The following TMIGD3 variants were observed in gnomAD, a reference collection of about 807,000 sequenced individuals.
TMIGD3 encodes AD026 protein (AD026).
A neutral mutation model predicts 28.1 loss-of-function variants in TMIGD3; 21 were observed. The observed-to-expected ratio is 0.75, with a 90% CI of 0.53 to 1.08. The LOEUF (loss-of-function observed/expected upper bound fraction) is 1.08, where lower values mean the gene tolerates loss of function less well. Among genes scored for constraint, TMIGD3 ranks in the 50% least tolerant of loss-of-function variants. The probability of loss-of-function intolerance (pLI) is 0.00; values close to 1 mark genes in which losing one functional copy is unlikely to be tolerated. For missense variants in TMIGD3, 416 were observed against 435.6 expected (o/e 0.96, Z 0.40); for synonymous variants, 151 against 162.1 (o/e 0.93, Z 0.52).
intron 1 of TMIGD3, among the ~76,000 whole-genome samples, chr1:111,518,421 G>A (rs1655937017): frequency 6.6e-6 from 1 of 152,204 alleles, no homozygotes; most frequent in Admixed American, 6.5e-5. Flanking sequence ...AGGATGTTTA[G>A]CAGTAACCAT....
chr1:111,558,025 T>A (rs1028347453), intron 1 of TMIGD3, among the ~76,000 whole-genome samples: 1 of 150,618 alleles, frequency 6.6e-6, no homozygotes, highest in Non-Finnish European at 1.5e-5. Context: ...AGAATCTGAA[T>A]CCAAAAGAAA....
At chr1:111,512,201 A>C (rs573806828) in intron 1 of TMIGD3, among the ~76,000 whole-genome samples, 68 of 152,332 alleles carry the variant, frequency 4.5e-4, no homozygotes, top group Admixed American at 2.3e-3. Context: ...TGGGTAGAAT[A>C]GTGGGTGCTA....
At chr1:111,519,127 C>T (rs559763672) in intron 1 of TMIGD3, among the ~76,000 whole-genome samples, 7 of 152,138 alleles carry the variant, frequency 4.6e-5, no homozygotes, top group Admixed American at 2.0e-4. Flanking sequence ...TTAGTAGAGA[C>T]GAGGTTTCAC....
chr1:111,499,386 G>T (rs1008959123), intron 1 of TMIGD3: 1 of 987,686 alleles, frequency 1.0e-6, no homozygotes, highest in East Asian at 1.1e-4. Flanking sequence ...AGCCAGCTGG[G>T]TCTTTAAGCC....
intron 1 of TMIGD3, among the ~76,000 whole-genome samples, chr1:111,552,485 A>G (rs1278720896): frequency 6.6e-6 from 1 of 152,200 alleles, no homozygotes; most frequent in Non-Finnish European, 1.5e-5. Flanking sequence ...GCAAATTTGT[A>G]GTTGCTTTTA....
chr1:111,537,595 T>G (rs1198077089), intron 1 of TMIGD3, among the ~76,000 whole-genome samples: 1 of 152,234 alleles, frequency 6.6e-6, no homozygotes, highest in African/African-American at 2.4e-5. Flanking sequence ...AAATTTATCT[T>G]AGAACATCAG....
intron 1 of TMIGD3, among the ~76,000 whole-genome samples, chr1:111,560,715 C>A (rs952798690): frequency 3.9e-5 from 6 of 152,054 alleles, no homozygotes; most frequent in Non-Finnish European, 5.9e-5. Context: ...TGGTTTTGAA[C>A]TCCTAGCTTC....
At chr1:111,549,530 G>C (rs928404258) in intron 1 of TMIGD3, among the ~76,000 whole-genome samples, 3 of 151,470 alleles carry the variant, frequency 2.0e-5, no homozygotes, top group Non-Finnish European at 2.9e-5. Flanking sequence ...TGCGCCTGTA[G>C]TCCCAGCTAC....
chr1:111,549,853 A>G (rs959743726), intron 1 of TMIGD3, among the ~76,000 whole-genome samples: 3 of 151,930 alleles, frequency 2.0e-5, no homozygotes, highest in East Asian at 3.9e-4. Flanking sequence ...GGGTGTTGCT[A>G]TGTTGCACAG....
intron 1 of TMIGD3, among the ~76,000 whole-genome samples, chr1:111,517,129 A>C (rs1036529350): frequency 2.0e-5 from 3 of 152,200 alleles, no homozygotes; most frequent in African/African-American, 7.2e-5. Flanking sequence ...ACACACACAC[A>C]TGCACACACT....
intron 1 of TMIGD3, among the ~76,000 whole-genome samples, chr1:111,515,478 G>A (rs935760820): frequency 2.6e-5 from 4 of 152,192 alleles, no homozygotes; most frequent in Non-Finnish European, 5.9e-5. Context: ...TTCCCCGATG[G>A]GAGTTGGGGA....
At position 111,497,390 on chromosome 1, in the gene TMIGD3, A is replaced by G. The variant is rs376660228; in HGVS notation, c.350+5615T>C. On this transcript the variant is annotated intron_variant, in intron 1 of 5. Transcript: ENST00000369716. ...CTCCCAAAGTGCTGGGATTACAGGC[A>G]TGAGCCACTGCACCCGGCTCCTGTA... Among the ~76,000 whole-genome samples, 896 of 152,306 alleles carry G rather than the reference A, an allele frequency of 5.9e-3. 7 individuals are homozygous for G. Among genetic ancestry groups the G allele is most frequent in the African/African-American group, 0.02 (834 of 41,570 alleles).
intron 1 of TMIGD3, among the ~76,000 whole-genome samples, chr1:111,546,833 T>C (rs1232656516): frequency 6.6e-6 from 1 of 152,196 alleles, no homozygotes; most frequent in Non-Finnish European, 1.5e-5. Flanking sequence ...TGTATTTTTT[T>C]GAGGAATTGT....
intron 3 of TMIGD3, among the ~76,000 whole-genome samples, chr1:111,487,130 C>T (rs373408732): frequency 4.6e-5 from 7 of 152,334 alleles, no homozygotes; most frequent in South Asian, 2.1e-4. Flanking sequence ...AGTGGCACCA[C>T]GACCACCTAC....
chr1:111,501,049 A>C (rs909503838), intron 1 of TMIGD3: 15 of 163,308 alleles, frequency 9.2e-5, no homozygotes. Context: ...GGGAGCTGAG[A>C]TTCATCTAAG....
intron 1 of TMIGD3, among the ~76,000 whole-genome samples, chr1:111,536,138 G>T (rs1180010252): frequency 1.3e-5 from 2 of 152,124 alleles, no homozygotes; most frequent in Non-Finnish European, 2.9e-5. Flanking sequence ...CAGCTCATAA[G>T]TCCTTTAGCT....
At position 111,502,987 on chromosome 1, in the gene TMIGD3, C is replaced by A. The variant is rs1453776661; in HGVS notation, c.350+18G>T. ...TCCCAGCTGCCTCAATTGCTGCCCA[C>A]CCCACGCCGCAGGCTACCTGACGGT... On this transcript the variant is annotated intron_variant, in intron 1 of 5. Transcript: ENST00000369716. The A allele has an allele frequency of 2.5e-6, 4 of 1,609,606 alleles. No individual in the cohort carries two copies. The highest frequency in any genetic ancestry group is 1.3e-5 in the African/African-American group (1 of 74,958).
chr1:111,506,664 T>C (rs571628605), upstream of TMIGD3, among the ~76,000 whole-genome samples: 3 of 152,038 alleles, frequency 2.0e-5, no homozygotes, highest in South Asian at 4.2e-4. Flanking sequence ...TCAAAATCAG[T>C]AGAGATCAGT....
intron 2 of TMIGD3, 146 bp from the exon 3 acceptor site, chr1:111,489,170 G>A: frequency 1.3e-6 from 1 of 743,566 alleles, no homozygotes; most frequent in Non-Finnish European, 2.2e-6. Flanking sequence ...AACTATTATG[G>A]GCTGAACTAT....
Sources: gnomAD v4.1 joint callset for allele counts (sites outside exome capture counted in the v4.1 genomes callset) on GRCh38, gnomAD v4.1.1 for gene constraint, MANE v1.5 for transcripts, NCBI Gene and HGNC (gene_info 2026-07-23, HGNC 2026-07-21) for gene names.